Variants in SFRP4 observed in about 807,000 individuals in gnomAD.
The protein encoded by SFRP4 is secreted frizzled-related protein 4.
Under a neutral mutation model 36.3 loss-of-function variants are expected in SFRP4, and 25 were observed. The observed-to-expected ratio is 0.69, with a 90% CI of 0.50 to 0.96. SFRP4 has a LOEUF of 0.96. Among genes scored for constraint, SFRP4 ranks in the 40% least tolerant of loss-of-function variants. The pLI is 0.00. For synonymous variants in SFRP4, 182 were observed against 168.8 expected (o/e 1.08, Z -0.60); for missense variants, 487 against 459.6 (o/e 1.06, Z -0.54).
chr7:37,909,457 T>C (rs370992788), intron 5 of SFRP4, among the ~76,000 whole-genome samples, 160 bp downstream of exon 5: 6 of 152,186 alleles, frequency 3.9e-5, no homozygotes, highest in African/African-American at 1.4e-4. Context: ...TGAGTGAGAA[T>C]AGCTACACTC....
In SFRP4 at chr7:37,909,616, C is replaced by G; in HGVS notation, c.855+1G>C. The G allele has an allele frequency of 1.9e-6, 3 of 1,545,166 alleles. No homozygotes were observed. The highest frequency in any genetic ancestry group is 2.6e-6 in the Non-Finnish European group (3 of 1,135,670). ...TTCACAGCATTGTTCATGATACTTA[C>G]TATGGATCTTTTACTAAGCTGATCT... On this transcript the variant is annotated splice_donor_variant, in intron 5 of 5. Coordinates refer to ENST00000436072, the MANE Select transcript of SFRP4 (RefSeq NM_003014.4). LOFTEE classifies it high-confidence loss of function.
In SFRP4 at chr7:37,916,564, C is replaced by G. The variant is rs754533705; in HGVS notation, c.-27G>C. ...GCACTGCCCTCTCGCGCTGCGACCC[C>G]GGCAGACAGAAAGCGCCCTTCTCTT... is the stretch of plus-strand genomic sequence containing the variant. On this transcript the variant is annotated 5_prime_UTR_variant, in exon 1 of 6. Coordinates refer to ENST00000436072, the MANE Select transcript of SFRP4 (RefSeq NM_003014.4). The surrounding 1 kb of genome is among the most constrained non-coding windows in gnomAD (Gnocchi z 4.1). The G allele has an allele frequency of 1.3e-6, 2 of 1,588,992 alleles. No homozygotes were observed. Among genetic ancestry groups the G allele is most frequent in the Non-Finnish European group, 8.5e-7 (1 of 1,169,798 alleles).
Position 37,914,233 on chromosome 7 carries a change from A to G in SFRP4, c.572T>C (p.Leu191Pro). ...CTTACCATAGCTGTAGTTTTTGCTG[A>G]GATACGTTGCCAAAGTTGGCTTCAC... ...KKVKPTLATY[L>P]SKNYSYVIHA... Residue 191 changes from leucine (L) to proline (P), a missense_variant, in exon 3 of 6, where the codon CTC becomes CCC. Coordinates refer to ENST00000436072, the MANE Select transcript of SFRP4 (RefSeq NM_003014.4). 6.2e-7 allele frequency: 1 copy of G among 1,614,050 alleles called. No homozygotes were observed. The highest frequency in any genetic ancestry group is 8.5e-7 in the Non-Finnish European group (1 of 1,179,876).
At chr7:37,914,574 G>A (rs1785545855) in intron 1 of SFRP4, 121 bp from the exon 2 acceptor site, 3 of 778,880 alleles carry the variant, frequency 3.9e-6, no homozygotes, top group East Asian at 2.7e-5. Flanking sequence ...GTATTTAATG[G>A]TAAAAATGGG....
At position 37,912,160 on chromosome 7, in the gene SFRP4, G is replaced by C; in HGVS notation, c.750C>G (p.Pro250=). ...NSSCQCPHIL[P]HQDVLIMCYE... The stretch of plus-strand genomic sequence containing the variant: ...AACACATGATGAGAACATCTTGATG[G>C]GGCAGGATGTGTGGACACTGGCAAG... The change falls in exon 4 of 6, where the codon CCC becomes CCG. Residue 250 remains proline (P), a synonymous_variant. Coordinates refer to ENST00000436072, the MANE Select transcript of SFRP4 (RefSeq NM_003014.4). 6.2e-7 allele frequency: 1 copy of C among 1,614,128 alleles called. No individual in the cohort carries two copies. Among genetic ancestry groups the C allele is most frequent in the South Asian group, 1.1e-5 (1 of 91,070 alleles).
In SFRP4 at chr7:37,914,471, C is replaced by T. The variant is rs1785544421; in HGVS notation, c.446-18G>A. The T allele has an allele frequency of 8.8e-6, 14 of 1,599,138 alleles. No individual in the cohort carries two copies. Among genetic ancestry groups the T allele is most frequent in the Non-Finnish European group, 1.0e-5 (12 of 1,166,308 alleles). ...CTTAACATCTGAAACACAAACAGGG[C>T]CACATGGGCGTGGTTGGTGATTTGG... On this transcript the variant is annotated intron_variant, in intron 1 of 5. Coordinates refer to ENST00000436072, the MANE Select transcript of SFRP4 (RefSeq NM_003014.4).
In SFRP4 at chr7:37,909,604, T is replaced by G; in HGVS notation, c.855+13A>C. ...CTTACATCCATCTTCACAGCATTGT[T>G]CATGATACTTACTATGGATCTTTTA... is the stretch of plus-strand genomic sequence containing the variant. On this transcript the variant is annotated intron_variant, in intron 5 of 5. Transcript: ENST00000436072. 1 of 1,508,422 alleles carries G rather than the reference T, an allele frequency of 6.6e-7. No homozygotes were observed. Among genetic ancestry groups the G allele is most frequent in the Non-Finnish European group, 9.0e-7 (1 of 1,106,772 alleles). The allele number at this position is 1,508,422 out of a possible 1,614,324, so 93.4% of individuals were successfully genotyped here.
Position 37,914,385 on chromosome 7 carries a change from G to A in SFRP4, c.514C>T (p.Arg172Cys), listed in dbSNP as rs140561432. ...AGAAAGAACTCACCGGGGCTTAGGC[G>A]TTTACAGTCAACATCAAGAGGCCTT... ...QERPLDVDCKRLSPDRCKCKK... is the reference protein window; with the variant it reads ...QERPLDVDCKCLSPDRCKCKK... Residue 172 changes from arginine to cysteine, a missense_variant, in exon 2 of 6, where the codon CGC (arginine) becomes TGC (cysteine). Physicochemically the swap from Arg to Cys is radical, Grantham distance 180. Transcript: ENST00000436072. The A allele has an allele frequency of 1.0e-4, 169 of 1,613,324 alleles. No individual in the cohort carries two copies. The highest frequency in any genetic ancestry group is 5.3e-4 in the African/African-American group (40 of 74,902).
intron 3 of SFRP4, among the ~76,000 whole-genome samples, chr7:37,913,820 GA>G (rs1265348171): frequency 6.6e-6 from 1 of 152,184 alleles, no homozygotes; most frequent in Non-Finnish European, 1.5e-5. Context: ...TTAATTCTCT[GA>G]CTCTCAGATA....
Position 37,916,691 on chromosome 7 carries a change from C to A in SFRP4, c.-154G>T, listed in dbSNP as rs1371493323. The A allele has an allele frequency of 1.1e-5, 13 of 1,205,010 alleles. No homozygotes were observed. Among genetic ancestry groups the A allele is most frequent in the Non-Finnish European group, 2.3e-6 (2 of 885,738 alleles). The allele number at this position is 1,205,010 out of a possible 1,614,324, so 74.6% of individuals were successfully genotyped here. A position where few individuals can be genotyped will look rare whatever the true frequency, so the allele number is the denominator to read the frequency against. ...ACTCCAGTCGGCAGCAAAGCGGGGC[C>A]GCGGGGTCCGGCCGCGGAGCTCCGC... On this transcript the variant is annotated 5_prime_UTR_variant, in exon 1 of 6. Transcript: ENST00000436072. The surrounding 1 kb of genome is among the most constrained non-coding windows in gnomAD (Gnocchi z 4.1).
chr7:37,912,427 A>T lies in SFRP4; in HGVS notation c.593-110T>A, dbSNP rs187145863. The T allele has an allele frequency of 8.6e-5, 73 of 848,678 alleles. No homozygotes were observed. The African/African-American group carries it at 1.1e-3, about 13-fold the overall frequency. The allele number at this position is 848,678 out of a possible 1,614,324, so 52.6% of individuals were successfully genotyped here. On this transcript the variant is annotated intron_variant, in intron 3 of 5. Transcript: ENST00000436072. ...CTCTTAAAGAATCACTCCTGTAATTATGGTTATGTCCAAGTGGCCTGAGTG... is the reference window on the plus strand; with the variant it reads ...CTCTTAAAGAATCACTCCTGTAATTTTGGTTATGTCCAAGTGGCCTGAGTG...
rs145633853 is a variant in SFRP4 at position 37,916,112 on chromosome 7, G to A, written c.426C>T (p.Ile142=). The A allele has an allele frequency of 1.1e-4, 181 of 1,612,316 alleles. 1 individual carries two copies. In the Middle Eastern group the frequency reaches 1.5e-3, roughly 13 times the overall value. ...CCTCACCCTCCGGGAGGTCCGTGAC[G>A]ATGGCTTCAGGCGAGATGCACACGC... ...DRGVCISPEA[I]VTDLPEDVKW... The change falls in exon 1 of 6, where the codon ATC becomes ATT. Residue 142 remains isoleucine, a synonymous_variant. Transcript: ENST00000436072. This position sits in a 1 kb window ranked among gnomAD's most constrained non-coding sequence, Gnocchi z 4.1.
intron 3 of SFRP4, among the ~76,000 whole-genome samples, chr7:37,913,306 A>G (rs1281362566): frequency 6.6e-6 from 1 of 152,206 alleles, no homozygotes; most frequent in Non-Finnish European, 1.5e-5. Flanking sequence ...CATTTCTGTG[A>G]TCCTCCTACT....
At chr7:37,914,553 T>C in intron 1 of SFRP4, 100 bp from the exon 2 acceptor site, 1 of 861,292 alleles carries the variant, frequency 1.2e-6, no homozygotes, top group Admixed American at 1.9e-5. Flanking sequence ...AAACAGTATC[T>C]CAAAATAATA....
chr7:37,916,532 G>T lies in SFRP4; in HGVS notation c.6C>A (p.Phe2Leu). 3 of 1,606,842 alleles carry T rather than the reference G, an allele frequency of 1.9e-6. No individual in the cohort carries two copies. Among genetic ancestry groups the T allele is most frequent in the South Asian group, 2.2e-5 (2 of 90,986 alleles). Reference protein sequence around the residue: MFLSILVALCLW... With the variant: MLLSILVALCLW... ...GGCACAGCGCCACTAGGATGGAGAG[G>T]AACATGGCACTGCCCTCTCGCGCTG... is the stretch of plus-strand genomic sequence containing the variant. The change falls in exon 1 of 6, where the codon TTC (phenylalanine) becomes TTA (leucine). Residue 2 changes from phenylalanine to leucine, a missense_variant. By Grantham distance (22) the Phe-to-Leu change is conservative. Coordinates refer to ENST00000436072, the MANE Select transcript of SFRP4 (RefSeq NM_003014.4). The surrounding 1 kb of genome is among the most constrained non-coding windows in gnomAD (Gnocchi z 4.1).
chr7:37,914,305 T>C (rs781574501), intron 2 of SFRP4, 27 bp from the exon 3 acceptor site: 16 of 1,613,506 alleles, frequency 9.9e-6, no homozygotes, highest in Non-Finnish European at 1.3e-5. Flanking sequence ...AGGCAGAAAG[T>C]TGGAAAAAGA....
rs769683505 is a variant in SFRP4, at chr7:37,916,208, G to C, written c.330C>G (p.Pro110=). 1 of 1,614,194 alleles carries C rather than the reference G, an allele frequency of 6.2e-7. No individual in the cohort carries two copies. Among genetic ancestry groups the C allele is most frequent in the East Asian group, 2.2e-5 (1 of 44,870 alleles). The part of the protein sequence containing the change: ...VCQRARDDCE[P]LMKMYNHSWP... Reference sequence around the variant, plus strand: ...AGCTGTGGTTGTACATCTTCATGAGGGGCTCGCAGTCGTCGCGCGCGCGTT... The same window carrying C: ...AGCTGTGGTTGTACATCTTCATGAGCGGCTCGCAGTCGTCGCGCGCGCGTT... The change falls in exon 1 of 6, where the codon CCC becomes CCG. Residue 110 remains proline (P), a synonymous_variant. Coordinates refer to ENST00000436072, the MANE Select transcript of SFRP4 (RefSeq NM_003014.4). This position sits in a 1 kb window ranked among gnomAD's most constrained non-coding sequence, Gnocchi z 4.1.
chr7:37,911,983 C>T (rs1191491209), intron 4 of SFRP4, 136 bp downstream of exon 4: 2 of 555,862 alleles, frequency 3.6e-6, no homozygotes, highest in East Asian at 2.9e-5. Flanking sequence ...GCTATTCAAA[C>T]AGAGGCATCT....
At chr7:37,914,496 G>T (rs1313246076) in intron 1 of SFRP4, 43 bp from the exon 2 acceptor site, 59 of 1,404,100 alleles carry the variant, frequency 4.2e-5, no homozygotes, top group Non-Finnish European at 5.8e-5. Context: ...TGGTGATTTG[G>T]TCTGTTCACC....
Sources: gnomAD v4.1 joint callset for allele counts (sites outside exome capture counted in the v4.1 genomes callset) on GRCh38, gnomAD v4.1.1 for gene constraint, Gnocchi (gnomAD v3.1) non-coding constraint, MANE v1.5 for transcripts, NCBI Gene and HGNC (gene_info 2026-07-23, HGNC 2026-07-21) for gene names.